Variants in MDGA2 observed in about 807,000 individuals in gnomAD.
MDGA2 encodes MAM domain-containing glycosylphosphatidylinositol anchor protein 2.
Under a neutral mutation model 117.8 loss-of-function variants are expected in MDGA2, and 40 were observed. That is an observed-to-expected ratio of 0.34 (90% CI 0.26 to 0.44). The LOEUF is 0.44. Ranked by LOEUF, MDGA2 falls within the 20% of genes least tolerant of loss-of-function variation. The pLI, the probability that MDGA2 is intolerant of heterozygous loss-of-function variation, is 1.00. For missense variants in MDGA2, 1,123 were observed against 1,250.6 expected, an observed-to-expected ratio of 0.90 and a Z score of 1.54; for synonymous variants, 452 against 439.0, an observed-to-expected ratio of 1.03 and a Z score of -0.37.
At chr14:47,574,872 C>T (rs1421910563) in intron 1 of MDGA2, among the ~76,000 whole-genome samples, 1 of 152,164 alleles carries the variant, frequency 6.6e-6, no homozygotes, top group Non-Finnish European at 1.5e-5. Context: ...GCAAGTCTGG[C>T]CCCAGAGTCT....
chr14:47,122,709 A>C (rs2139111048), intron 5 of MDGA2, among the ~76,000 whole-genome samples: 1 of 152,216 alleles, frequency 6.6e-6, no homozygotes, highest in South Asian at 2.1e-4. Flanking sequence ...TGTAAAATGT[A>C]TTTCTACCAA....
intron 8 of MDGA2, among the ~76,000 whole-genome samples, chr14:46,962,368 TC>T (rs1885845989): frequency 6.6e-6 from 1 of 152,096 alleles, no homozygotes; most frequent in Non-Finnish European, 1.5e-5. Context: ...TCTGCTTTAC[TC>T]CTACCCTACA....
At chr14:47,127,195 G>T (rs1022353837) in intron 5 of MDGA2, among the ~76,000 whole-genome samples, 1 of 151,932 alleles carries the variant, frequency 6.6e-6, no homozygotes, top group Non-Finnish European at 1.5e-5. Flanking sequence ...GTAATTTTAC[G>T]TACATCACTT....
At chr14:47,393,438 T>A (rs1467608801) in intron 1 of MDGA2, among the ~76,000 whole-genome samples, 1 of 152,032 alleles carries the variant, frequency 6.6e-6, no homozygotes, top group Non-Finnish European at 1.5e-5. Context: ...ACACATTTAA[T>A]GCATGAATAT....
intron 1 of MDGA2, among the ~76,000 whole-genome samples, chr14:47,523,603 G>C (rs1670202053): frequency 6.6e-6 from 1 of 152,082 alleles, no homozygotes; most frequent in Non-Finnish European, 1.5e-5. Flanking sequence ...GATGACAACA[G>C]GTAAGGACCA....
intron 2 of MDGA2, among the ~76,000 whole-genome samples, chr14:47,253,925 A>C (rs1270663103): frequency 6.6e-6 from 1 of 152,206 alleles, no homozygotes; most frequent in African/African-American, 2.4e-5. Flanking sequence ...CTGTATACTC[A>C]CAGGTTAAAC....
At chr14:47,386,593 A>T (rs898197696) in intron 1 of MDGA2, among the ~76,000 whole-genome samples, 1 of 152,210 alleles carries the variant, frequency 6.6e-6, no homozygotes, top group African/African-American at 2.4e-5. Flanking sequence ...AGTTAAGAAG[A>T]AGAGTGAAAA....
At chr14:47,458,484 G>A (rs1431278612) in intron 1 of MDGA2, among the ~76,000 whole-genome samples, 4 of 152,126 alleles carry the variant, frequency 2.6e-5, no homozygotes, top group African/African-American at 9.7e-5. Flanking sequence ...GGGTAAACTG[G>A]TGGTTACAAA....
At chr14:47,576,325 C>CAGG (rs1168884531) in intron 1 of MDGA2, among the ~76,000 whole-genome samples, 2 of 152,056 alleles carry the variant, frequency 1.3e-5, no homozygotes, top group Non-Finnish European at 2.9e-5. Flanking sequence ...AAACTGCTTC[C>CAGG]ATAATGGAGT....
chr14:47,107,309 A>G (rs1012789434), intron 5 of MDGA2, among the ~76,000 whole-genome samples: 2 of 152,204 alleles, frequency 1.3e-5, no homozygotes, highest in Middle Eastern at 6.8e-3. Context: ...AAGTCTTACA[A>G]GTTAGTTCAG....
intron 2 of MDGA2, among the ~76,000 whole-genome samples, chr14:47,232,300 T>C (rs1886718043): frequency 1.3e-5 from 2 of 151,898 alleles, no homozygotes; most frequent in South Asian, 4.2e-4. Context: ...ATAACTAAGG[T>C]ACATTTTTCT....
intron 3 of MDGA2, among the ~76,000 whole-genome samples, chr14:47,216,444 C>T (rs28490546): frequency 0.29 from 44,771 of 151,890 alleles, 7,697 homozygotes; most frequent in Admixed American, 0.47. Context: ...CTGGGCAAAA[C>T]GTGATTATTC....
intron 8 of MDGA2, among the ~76,000 whole-genome samples, chr14:46,981,178 G>GGGC (rs386381280): frequency 6.6e-6 from 1 of 151,576 alleles, no homozygotes; most frequent in African/African-American, 2.4e-5. Flanking sequence ...CCAAGGGGGG[G>GGGC]GCGGATCATG....
At chr14:47,403,123 G>A (rs535741603) in intron 1 of MDGA2, among the ~76,000 whole-genome samples, 55 of 151,972 alleles carry the variant, frequency 3.6e-4, no homozygotes, top group Admixed American at 6.6e-4. Context: ...CTTATTCCTA[G>A]TCACCACTTT....
intron 6 of MDGA2, among the ~76,000 whole-genome samples, chr14:47,068,456 CT>C (rs139681448): frequency 0.098 from 14,660 of 149,692 alleles, 838 homozygotes; most frequent in African/African-American, 0.16. Context: ...ACCAAAATGT[CT>C]TTATCGGTGT....
intron 1 of MDGA2, among the ~76,000 whole-genome samples, chr14:47,362,459 T>C (rs1422119425): frequency 6.6e-6 from 1 of 152,182 alleles, no homozygotes; most frequent in Non-Finnish European, 1.5e-5. Flanking sequence ...TTCTGCCAAA[T>C]AAATGGAAAT....
chr14:46,961,994 T>C (rs75877279), intron 8 of MDGA2, among the ~76,000 whole-genome samples: 5,899 of 152,252 alleles, frequency 0.039, 383 homozygotes, highest in African/African-American at 0.14. Flanking sequence ...GTTGGTTTTC[T>C]TTCAAAGTAC....
At chr14:46,915,209 T>C (rs1883854864) in intron 10 of MDGA2, among the ~76,000 whole-genome samples, 1 of 152,280 alleles carries the variant, frequency 6.6e-6, no homozygotes, top group Non-Finnish European at 1.5e-5. Context: ...TATCCAAAGG[T>C]GATTTTTAAA....
At chr14:47,375,588 C>T (rs184362576) in intron 1 of MDGA2, among the ~76,000 whole-genome samples, 245 of 152,154 alleles carry the variant, frequency 1.6e-3, no homozygotes, top group Non-Finnish European at 2.7e-3. Flanking sequence ...TCTATAACTA[C>T]ATTTTACAGT....
Sources: gnomAD v4.1 joint callset for allele counts (sites outside exome capture counted in the v4.1 genomes callset) on GRCh38, gnomAD v4.1.1 for gene constraint, MANE v1.5 for transcripts, NCBI Gene and HGNC (gene_info 2026-07-23, HGNC 2026-07-21) for gene names.